The following OR9Q1 variants were observed in gnomAD, a reference collection of about 807,000 sequenced individuals.
The protein encoded by OR9Q1 is olfactory receptor 9Q1.
For missense variants in OR9Q1, 374 were observed against 378.8 expected (o/e 0.99, Z 0.11); for synonymous variants, 153 against 148.6 (o/e 1.03, Z -0.22).
At chr11:58,045,830 A>C (rs538365181) in intron 1 of OR9Q1, among the ~76,000 whole-genome samples, 21 of 152,352 alleles carry the variant, frequency 1.4e-4, no homozygotes, top group African/African-American at 4.6e-4. Flanking sequence ...CCTTGAGTCC[A>C]GGGTGTCTAA....
At chr11:58,162,136 T>C (rs938232091) in intron 2 of OR9Q1, among the ~76,000 whole-genome samples, 4 of 150,750 alleles carry the variant, frequency 2.7e-5, no homozygotes, top group Non-Finnish European at 1.5e-5. Flanking sequence ...TGAAGAAGGT[T>C]CCTAACAGTT....
At position 58,144,395 on chromosome 11, in the gene OR9Q1, T is replaced by C. The variant is rs1391420328; in HGVS notation, c.-14-35036T>C. 3.3e-5 allele frequency: 5 copies of C among 152,160 alleles called. No homozygotes were observed. In the East Asian group the frequency reaches 7.7e-4, roughly 23 times the overall value. The allele number at this position is 152,160 out of a possible 1,614,324, so 9.4% of individuals were successfully genotyped here. ...AAGAAAATGTGGCACATATACTCCA[T>C]GGAATACTATGCAGCCATAAAAATT... On this transcript the variant is annotated intron_variant, in intron 2 of 2. Transcript: ENST00000335397.
At chr11:58,104,380 A>G (rs2120093413) in intron 2 of OR9Q1, among the ~76,000 whole-genome samples, 1 of 151,866 alleles carries the variant, frequency 6.6e-6, no homozygotes, top group East Asian at 1.9e-4. Flanking sequence ...AAACATTCCC[A>G]GAACAGAAGT....
chr11:58,044,877 G>A (rs1254463517), intron 1 of OR9Q1: 4 of 152,186 alleles, frequency 2.6e-5, no homozygotes, highest in Non-Finnish European at 5.9e-5. Context: ...TGGAGATATA[G>A]ATGGGGCATC....
intron 2 of OR9Q1, among the ~76,000 whole-genome samples, chr11:58,143,859 CAAAT>C (rs1320235647): frequency 6.6e-6 from 1 of 151,840 alleles, no homozygotes; most frequent in Non-Finnish European, 1.5e-5. Context: ...CAGAACTTAA[CAAAT>C]AAAATAAAAT....
chr11:58,178,018 G>C (rs1037230134), intron 2 of OR9Q1, among the ~76,000 whole-genome samples: 8 of 152,170 alleles, frequency 5.3e-5, no homozygotes, highest in African/African-American at 1.9e-4. Flanking sequence ...AGAGATGTAG[G>C]AGAACCTGGG....
chr11:58,040,020 C>A (rs61904008), intron 1 of OR9Q1, among the ~76,000 whole-genome samples: 17 of 152,142 alleles, frequency 1.1e-4, no homozygotes, highest in Non-Finnish European at 1.8e-4. Flanking sequence ...GAAGTCAGTG[C>A]TATTATTATC....
chr11:58,115,081 C>T (rs1045202467), intron 2 of OR9Q1, among the ~76,000 whole-genome samples: 2 of 152,076 alleles, frequency 1.3e-5, no homozygotes, highest in African/African-American at 2.4e-5. Flanking sequence ...CTGGGATAAG[C>T]GTTCAGTTGT....
chr11:58,076,505 C>A (rs1244606254), intron 2 of OR9Q1, among the ~76,000 whole-genome samples: 2 of 152,340 alleles, frequency 1.3e-5, no homozygotes, highest in East Asian at 3.9e-4. Context: ...AGGCAGCTTA[C>A]TCCTTCAAGA....
intron 2 of OR9Q1, among the ~76,000 whole-genome samples, chr11:58,092,771 A>G (rs1853696486): frequency 6.6e-6 from 1 of 152,180 alleles, no homozygotes; most frequent in African/African-American, 2.4e-5. Flanking sequence ...TTTATTTACC[A>G]CAATTTGTGA....
intron 1 of OR9Q1, among the ~76,000 whole-genome samples, chr11:58,025,761 G>T (rs918905340): frequency 6.6e-6 from 1 of 152,120 alleles, no homozygotes; most frequent in Non-Finnish European, 1.5e-5. Context: ...GGCATCAGGT[G>T]GTCTAATGCC....
chr11:58,088,261 A>G (rs930308314), intron 2 of OR9Q1, among the ~76,000 whole-genome samples: 3 of 151,970 alleles, frequency 2.0e-5, no homozygotes, highest in Non-Finnish European at 4.4e-5. Flanking sequence ...TTCCTATTGT[A>G]AATAGTGCTG....
intron 2 of OR9Q1, among the ~76,000 whole-genome samples, chr11:58,141,591 CT>C (rs1854249595): frequency 6.6e-6 from 1 of 152,138 alleles, no homozygotes; most frequent in Non-Finnish European, 1.5e-5. Flanking sequence ...GGTGGATAAG[CT>C]TTTTGATGTG....
intron 1 of OR9Q1, among the ~76,000 whole-genome samples, chr11:58,043,687 G>T (rs189984558): frequency 1.3e-5 from 2 of 152,200 alleles, no homozygotes; most frequent in East Asian, 1.9e-4. Flanking sequence ...GTTGTTTAAG[G>T]CCTGTGTCAC....
intron 2 of OR9Q1, among the ~76,000 whole-genome samples, chr11:58,143,328 C>T (rs1854268712): frequency 6.6e-6 from 1 of 152,208 alleles, no homozygotes. Flanking sequence ...TGCTCAAGGT[C>T]TGAAGGTATT....
chr11:58,169,810 C>T (rs879114773), intron 2 of OR9Q1, among the ~76,000 whole-genome samples: 1 of 151,946 alleles, frequency 6.6e-6, no homozygotes, highest in Non-Finnish European at 1.5e-5. Flanking sequence ...ACTAATTTCC[C>T]TCTTCTCACT....
chr11:58,155,920 T>TC (rs1452259333), intron 2 of OR9Q1, among the ~76,000 whole-genome samples: 10 of 149,752 alleles, frequency 6.7e-5, no homozygotes, highest in Non-Finnish European at 1.3e-4. Flanking sequence ...TTTTCCTTCC[T>TC]TTTTTTTTTT....
At chr11:58,122,068 C>T (rs1349745736) in intron 2 of OR9Q1, among the ~76,000 whole-genome samples, 1 of 152,142 alleles carries the variant, frequency 6.6e-6, no homozygotes, top group Non-Finnish European at 1.5e-5. Context: ...CTGGGACCTG[C>T]CAGGAAGAGG....
chr11:58,055,982 C>T (rs564861658), intron 2 of OR9Q1, 35 bp downstream of exon 2: 1 of 152,348 alleles, frequency 6.6e-6, no homozygotes, highest in South Asian at 2.1e-4. Flanking sequence ...ATAAGTTACC[C>T]AGTCTGTGCT....
Sources: allele counts gnomAD v4.1 joint callset (sites outside exome capture counted in the v4.1 genomes callset), GRCh38; gene constraint gnomAD v4.1.1; transcripts MANE v1.5; gene names NCBI Gene and HGNC (gene_info 2026-07-23, HGNC 2026-07-21).